Variants in TOX2 observed in about 807,000 individuals in gnomAD.
The protein encoded by TOX2 is TOX high mobility group box family member 2, also known as granulosa cell HMG box 1.
Under a neutral mutation model 47.4 loss-of-function variants are expected in TOX2, and 15 were observed. The observed-to-expected ratio is 0.32, with a 90% CI of 0.21 to 0.49. TOX2 has a LOEUF of 0.49. Among genes scored for constraint, TOX2 ranks in the 20% least tolerant of loss-of-function variants. The pLI is 0.99. For missense variants in TOX2, 622 were observed against 673.1 expected (o/e 0.92, Z 0.84); for synonymous variants, 290 against 296.6 (o/e 0.98, Z 0.23).
At chr20:44,067,894 T>C (rs2071859440) in intron 8 of TOX2, among the ~76,000 whole-genome samples, 1 of 152,158 alleles carries the variant, frequency 6.6e-6, no homozygotes, top group African/African-American at 2.4e-5. Flanking sequence ...CGCCACAACC[T>C]GGAAGGCACA....
intron 1 of TOX2, among the ~76,000 whole-genome samples, chr20:43,928,981 G>GAAAAAAAAAAAAAAAAAA (rs575418660): frequency 5.8e-5 from 5 of 86,138 alleles, no homozygotes; most frequent in African/African-American, 2.0e-4. Flanking sequence ...CTAAAAATAT[G>GAAAAAAAAAAAAAAAAAA]AAAAAAAAAA....
chr20:44,021,285 G>A (rs755721466), intron 3 of TOX2, among the ~76,000 whole-genome samples: 4 of 152,162 alleles, frequency 2.6e-5, no homozygotes, highest in Non-Finnish European at 5.9e-5. Context: ...CAGAGTGTGA[G>A]CAGGTAGACA....
chr20:43,930,234 C>T (rs2069235485), intron 1 of TOX2, among the ~76,000 whole-genome samples: 1 of 152,174 alleles, frequency 6.6e-6, no homozygotes, highest in South Asian at 2.1e-4. Context: ...GTAACATAGC[C>T]CAGGCTGTGT....
intron 2 of TOX2, among the ~76,000 whole-genome samples, chr20:43,980,709 C>A (rs2145502616): frequency 6.6e-6 from 1 of 152,110 alleles, no homozygotes; most frequent in South Asian, 2.1e-4. Context: ...TCAAGGGAAC[C>A]ATAAAGGCAC....
chr20:43,972,238 A>G (rs984766558), intron 1 of TOX2, among the ~76,000 whole-genome samples: 1 of 152,144 alleles, frequency 6.6e-6, no homozygotes, highest in Non-Finnish European at 1.5e-5. Context: ...CCCATGGCCT[A>G]TGACTTCCTT....
At position 44,039,536 on chromosome 20, in the gene TOX2, A is replaced by C. The variant is rs144485247; in HGVS notation, c.412-11770A>C. Among the ~76,000 whole-genome samples the C allele has an allele frequency of 5.7e-3, 867 of 152,256 alleles. 9 individuals are homozygous for C. Among genetic ancestry groups the C allele is most frequent in the African/African-American group, 0.02 (826 of 41,538 alleles). On this transcript the variant is annotated intron_variant, in intron 3 of 8. Coordinates refer to ENST00000341197, the MANE Select transcript of TOX2 (RefSeq NM_001098797.2). Reference sequence around the variant, plus strand: ...GCTGCATAGCTTGAGATAGCCCTGAAAACAGACCCTGACACAAAGGTTTGG... The same window carrying C: ...GCTGCATAGCTTGAGATAGCCCTGACAACAGACCCTGACACAAAGGTTTGG...
At chr20:43,917,691 C>T (rs1270751135) in intron 1 of TOX2, among the ~76,000 whole-genome samples, 2 of 152,164 alleles carry the variant, frequency 1.3e-5, no homozygotes, top group African/African-American at 4.8e-5. Flanking sequence ...ACCAAAGTCA[C>T]GAACATTGGT....
chr20:44,012,812 G>A (rs945589080), intron 3 of TOX2, among the ~76,000 whole-genome samples: 2 of 152,174 alleles, frequency 1.3e-5, no homozygotes, highest in African/African-American at 4.8e-5. Flanking sequence ...CTGGCCTAAG[G>A]GGGCTCAAAT....
At chr20:44,045,524 A>G (rs1208693851) in intron 3 of TOX2, among the ~76,000 whole-genome samples, 3 of 152,224 alleles carry the variant, frequency 2.0e-5, no homozygotes, top group Non-Finnish European at 4.4e-5. Context: ...AGTTCTTTAT[A>G]GTAAACATCT....
chr20:43,922,029 C>G (rs2069117741), intron 1 of TOX2, among the ~76,000 whole-genome samples: 1 of 152,142 alleles, frequency 6.6e-6, no homozygotes, highest in South Asian at 2.1e-4. Context: ...GAAATTGGTT[C>G]AAATCACAGC....
At chr20:43,939,357 G>C (rs2069372106) in intron 1 of TOX2, among the ~76,000 whole-genome samples, 1 of 152,180 alleles carries the variant, frequency 6.6e-6, no homozygotes, top group South Asian at 2.1e-4. Context: ...GACTGGAGGA[G>C]TTGAGTAAGA....
intron 3 of TOX2, among the ~76,000 whole-genome samples, chr20:44,043,528 A>C (rs114872975): frequency 0.019 from 2,932 of 152,310 alleles, 96 homozygotes; most frequent in African/African-American, 0.066. Flanking sequence ...TTCTGAAACT[A>C]TCTTCACTGG....
At chr20:44,007,830 T>G (rs564251507) in intron 3 of TOX2, among the ~76,000 whole-genome samples, 1 of 152,160 alleles carries the variant, frequency 6.6e-6, no homozygotes, top group East Asian at 1.9e-4. Flanking sequence ...AGAAACATCA[T>G]ATTTTTGGCC....
chr20:44,066,400 T>C (rs576030295), intron 7 of TOX2, among the ~76,000 whole-genome samples: 1 of 152,236 alleles, frequency 6.6e-6, no homozygotes, highest in East Asian at 1.9e-4. Context: ...CTTCGAGACC[T>C]TACCCCCGCT....
chr20:43,929,559 C>G (rs902347399), intron 1 of TOX2, among the ~76,000 whole-genome samples: 2 of 152,168 alleles, frequency 1.3e-5, no homozygotes, highest in African/African-American at 4.8e-5. Flanking sequence ...CTGGAATGTT[C>G]TTGCCCTCAT....
At chr20:44,066,488 C>T (rs1004069625) in intron 7 of TOX2, among the ~76,000 whole-genome samples, 3 of 152,248 alleles carry the variant, frequency 2.0e-5, no homozygotes, top group Admixed American at 1.3e-4. Context: ...TTTTACAGAT[C>T]GAGAAACTGA....
intron 2 of TOX2, 124 bp from the exon 3 acceptor site, chr20:44,006,423 C>A: frequency 2.1e-6 from 3 of 1,445,002 alleles, no homozygotes; most frequent in Middle Eastern, 1.8e-4. Context: ...GCAGAAACAT[C>A]ATCCCTTCTC....
intron 3 of TOX2, among the ~76,000 whole-genome samples, chr20:44,019,294 T>C (rs2070941624): frequency 6.6e-6 from 1 of 152,234 alleles, no homozygotes; most frequent in Admixed American, 6.5e-5. Context: ...CATTTACAGA[T>C]GTGTTCCCAA....
intron 2 of TOX2, among the ~76,000 whole-genome samples, chr20:43,974,944 G>A (rs1043222305): frequency 6.6e-6 from 1 of 152,232 alleles, no homozygotes; most frequent in Non-Finnish European, 1.5e-5. Flanking sequence ...GCATTGACAT[G>A]CGCCAACATG....
Sources: gnomAD v4.1 joint callset for allele counts (sites outside exome capture counted in the v4.1 genomes callset) on GRCh38, gnomAD v4.1.1 for gene constraint, MANE v1.5 for transcripts, NCBI Gene and HGNC (gene_info 2026-07-23, HGNC 2026-07-21) for gene names.